The following ABR variants were observed in gnomAD, a reference collection of about 807,000 sequenced individuals.
ABR encodes active breakpoint cluster region-related protein.
ABR carries 35 observed loss-of-function variants against 107.2 expected under a neutral mutation model. The ratio of observed to expected loss-of-function variants is 0.33; its 90% CI spans 0.25 to 0.43. The LOEUF is 0.43. Ranked by LOEUF, ABR falls within the 20% of genes least tolerant of loss-of-function variation. The pLI is 1.00. For synonymous variants in ABR, 498 were observed against 462.0 expected, an observed-to-expected ratio of 1.08 and a Z score of -1.00; for missense variants, 815 against 1,115.2, an observed-to-expected ratio of 0.73 and a Z score of 3.83.
rs377444955 is a variant in ABR at position 1,113,095 on chromosome 17, G to GACAGGGAACCCC, written c.246+12076_246+12087dup. Among the ~76,000 whole-genome samples the GACAGGGAACCCC allele has an allele frequency of 2.3e-3, 346 of 152,148 alleles. 7 individuals carry two copies. Among genetic ancestry groups the GACAGGGAACCCC allele is most frequent in the African/African-American group, 1.6e-3 (65 of 41,480 alleles). On this transcript the variant is annotated intron_variant, in intron 2 of 22. Coordinates refer to ENST00000302538, the MANE Select transcript of ABR (RefSeq NM_021962.5). ...GTGCTAGCATCGGAATGCAGCCATG[G>GACAGGGAACCCC]ACAGGGAACCCCGTGCCTACCCTCG...
chr17:1,057,657 ATGTG>A (rs796583275), intron 12 of ABR, among the ~76,000 whole-genome samples: 411 of 37,432 alleles, frequency 0.011, 3 homozygotes, highest in African/African-American at 0.042. Flanking sequence ...GTATGTGTGT[ATGTG>A]TGTGTGTGTG....
chr17:1,105,960 GCA>G lies in ABR; in HGVS notation c.247-5227_247-5226del, dbSNP rs2038218521. 2.0e-5 allele frequency among the ~76,000 whole-genome samples: 3 copies of G among 152,110 alleles called. No individual in the cohort carries two copies. The South Asian group carries it at 6.2e-4, about 32-fold the overall frequency. ...CCTGACAAATAAGTTCCTTAAAATA[GCA>G]CCTTCTACAACGCCCCCGTCACAAC... On this transcript the variant is annotated intron_variant, in intron 2 of 22. Coordinates refer to ENST00000302538, the MANE Select transcript of ABR (RefSeq NM_021962.5).
At chr17:1,175,814 G>A (rs981069777) in intron 1 of ABR, among the ~76,000 whole-genome samples, 9 of 152,194 alleles carry the variant, frequency 5.9e-5, no homozygotes, top group East Asian at 1.9e-4. Context: ...GTTCAGGGCC[G>A]GGCGCGGTGG....
intron 1 of ABR, among the ~76,000 whole-genome samples, chr17:1,176,228 G>C (rs1175508575): frequency 1.3e-5 from 2 of 152,184 alleles, no homozygotes; most frequent in African/African-American, 2.4e-5. Flanking sequence ...CCAGCCCCCA[G>C]GTCCTGCAAG....
chr17:1,019,257 A>G (rs1382474128), intron 16 of ABR, among the ~76,000 whole-genome samples: 1 of 152,194 alleles, frequency 6.6e-6, no homozygotes, highest in Non-Finnish European at 1.5e-5. Context: ...GCCTTCTCGG[A>G]GAGCCCCAGG....
At chr17:1,224,919 A>G (rs1301355426) in intron 1 of ABR, among the ~76,000 whole-genome samples, 1 of 151,928 alleles carries the variant, frequency 6.6e-6, no homozygotes, top group Non-Finnish European at 1.5e-5. Flanking sequence ...GGAGGCTGAG[A>G]TGGGCGGATC....
rs2039649540 is a variant in ABR, at chr17:1,127,472, C to T, written c.62-2105G>A. On this transcript the variant is annotated intron_variant, in intron 1 of 22. Coordinates refer to ENST00000302538, the MANE Select transcript of ABR (RefSeq NM_021962.5). ...CTTCCAGGGGGAGGAGGAAGAGGCA[C>T]AGCGGCACCCAGCTGGCCTGAGTCT... Among the ~76,000 whole-genome samples, 3 of 152,248 alleles carry T rather than the reference C, an allele frequency of 2.0e-5. No homozygotes were observed. In the South Asian group the frequency reaches 6.2e-4, roughly 32 times the overall value.
upstream of ABR, among the ~76,000 whole-genome samples, chr17:1,182,668 T>C (rs2042173666): frequency 6.6e-6 from 1 of 152,074 alleles, no homozygotes; most frequent in Non-Finnish European, 1.5e-5. Flanking sequence ...GCCCGGCCTG[T>C]TCATGCTCTT....
rs1005145970 is a variant in ABR, at chr17:1,035,106, G to A, written c.1791+14944C>T. ...GGGGGCTTCCTCTGGGGACAGCGCA[G>A]ACTTGCCTTCTCTCCCCCAAGCCCG... On this transcript the variant is annotated intron_variant, in intron 16 of 22. Coordinates refer to ENST00000302538, the MANE Select transcript of ABR (RefSeq NM_021962.5). Among the ~76,000 whole-genome samples the A allele has an allele frequency of 3.9e-5, 6 of 151,978 alleles. No individual in the cohort carries two copies. The East Asian group carries it at 1.2e-3, about 29-fold the overall frequency.
intron 2 of ABR, among the ~76,000 whole-genome samples, chr17:1,107,748 G>A (rs2038357839): frequency 6.6e-6 from 1 of 152,154 alleles, no homozygotes; most frequent in African/African-American, 2.4e-5. Context: ...TTACCCCCAC[G>A]GCCCTACGCC....
chr17:1,177,523 G>A (rs2041957658), intron 1 of ABR, among the ~76,000 whole-genome samples: 1 of 152,158 alleles, frequency 6.6e-6, no homozygotes, highest in Non-Finnish European at 1.5e-5. Context: ...GCATTCCTCT[G>A]GTCAGGAATT....
intron 2 of ABR, among the ~76,000 whole-genome samples, chr17:1,113,121 C>T (rs922985541): frequency 1.2e-4 from 18 of 151,938 alleles, no homozygotes; most frequent in African/African-American, 3.9e-4. Flanking sequence ...CCTACCCTCG[C>T]GGAGCTGACA....
intron 1 of ABR, among the ~76,000 whole-genome samples, chr17:1,165,913 T>C (rs374884954): frequency 3.3e-5 from 5 of 152,264 alleles, no homozygotes; most frequent in East Asian, 3.9e-4. Flanking sequence ...CCCCAGTGCC[T>C]GGCAGCTTGG....
At chr17:1,038,580 A>AT (rs1567628767) in intron 16 of ABR, among the ~76,000 whole-genome samples, 1 of 152,150 alleles carries the variant, frequency 6.6e-6, no homozygotes, top group African/African-American at 2.4e-5. Context: ...CGGTGTGCCC[A>AT]TCCCTCCCTG....
At chr17:1,059,651 G>A (rs1350686471) in intron 10 of ABR, among the ~76,000 whole-genome samples, 4 of 152,064 alleles carry the variant, frequency 2.6e-5, no homozygotes, top group East Asian at 1.9e-4. Flanking sequence ...CATCCTCTGC[G>A]GGCAGAGCCT....
chr17:1,166,487 C>T (rs1011609228), intron 1 of ABR, among the ~76,000 whole-genome samples: 5 of 152,060 alleles, frequency 3.3e-5, no homozygotes, highest in Admixed American at 6.5e-5. Flanking sequence ...TCAGTGTGGC[C>T]GGAGGCCCGG....
chr17:1,020,230 G>C (rs112966797), intron 16 of ABR, among the ~76,000 whole-genome samples: 1 of 152,040 alleles, frequency 6.6e-6, no homozygotes, highest in East Asian at 1.9e-4. Context: ...CTACAGGCAC[G>C]AGCCACCACG....
At chr17:1,040,895 A>G (rs1296695993) in intron 16 of ABR, among the ~76,000 whole-genome samples, 1 of 152,194 alleles carries the variant, frequency 6.6e-6, no homozygotes, top group East Asian at 1.9e-4. Context: ...CCCCGGCAAC[A>G]CTGGCTAACG....
chr17:1,016,797 G>T (rs1382572323), intron 16 of ABR, among the ~76,000 whole-genome samples: 1 of 152,086 alleles, frequency 6.6e-6, no homozygotes, highest in Non-Finnish European at 1.5e-5. Context: ...TCTGCAAACT[G>T]ATTTCCTGAA....
Sources: allele counts gnomAD v4.1 joint callset (sites outside exome capture counted in the v4.1 genomes callset), GRCh38; gene constraint gnomAD v4.1.1; transcripts MANE v1.5; gene names NCBI Gene and HGNC (gene_info 2026-07-23, HGNC 2026-07-21).